DTNB: variants seen among roughly 807,000 people sequenced by gnomAD.
The protein encoded by DTNB is DTN-B.
A neutral mutation model predicts 90.7 loss-of-function variants in DTNB; 63 were observed. The observed-to-expected ratio is 0.69, with a 90% CI of 0.57 to 0.86. The LOEUF is 0.86. DTNB is among the 40% of genes least tolerant of loss of function. DTNB has a pLI of 0.00. For missense variants in DTNB, 744 were observed against 807.1 expected, an observed-to-expected ratio of 0.92 and a Z score of 0.95; for synonymous variants, 277 against 286.7, an observed-to-expected ratio of 0.97 and a Z score of 0.34.
At chr2:25,445,355 A>G (rs945789277) in intron 12 of DTNB, among the ~76,000 whole-genome samples, 2 of 152,146 alleles carry the variant, frequency 1.3e-5, no homozygotes, top group Non-Finnish European at 2.9e-5. Flanking sequence ...CCATTTCACT[A>G]ACTAACCTTT....
At chr2:25,491,591 T>C (rs548871290) in intron 9 of DTNB, among the ~76,000 whole-genome samples, 1 of 152,302 alleles carries the variant, frequency 6.6e-6, no homozygotes, top group African/African-American at 2.4e-5. Context: ...TATTCGCTGT[T>C]ATATTTGGTG....
At chr2:25,379,137 G>A (rs1042599293) in intron 20 of DTNB, among the ~76,000 whole-genome samples, 153 bp downstream of exon 20, 9 of 152,210 alleles carry the variant, frequency 5.9e-5, no homozygotes, top group African/African-American at 2.2e-4. Flanking sequence ...ACATGGCTGG[G>A]GTGGGCAAAG....
At chr2:25,526,387 A>AT (rs1407802793) in intron 9 of DTNB, among the ~76,000 whole-genome samples, 10 of 55,454 alleles carry the variant, frequency 1.8e-4, no homozygotes, top group African/African-American at 6.3e-4. Context: ...ATATATATAT[A>AT]TATATATATT....
intron 1 of DTNB, among the ~76,000 whole-genome samples, chr2:25,666,802 A>G (rs894200430): frequency 6.6e-6 from 1 of 152,188 alleles, no homozygotes; most frequent in Non-Finnish European, 1.5e-5. Flanking sequence ...TAGTAATGAC[A>G]GAAAGCAAAG....
chr2:25,475,448 G>C (rs1265668943), intron 10 of DTNB, among the ~76,000 whole-genome samples: 1 of 152,236 alleles, frequency 6.6e-6, no homozygotes, highest in Non-Finnish European at 1.5e-5. Flanking sequence ...AGCTAACAGA[G>C]GTTGGTTCAT....
chr2:25,554,235 T>C (rs573789684), intron 8 of DTNB, among the ~76,000 whole-genome samples: 134 of 152,330 alleles, frequency 8.8e-4, no homozygotes, highest in African/African-American at 3.1e-3. Flanking sequence ...AGCATTCAAA[T>C]GGAGACAGGG....
chr2:25,465,860 T>TA (rs1406693170), intron 10 of DTNB, among the ~76,000 whole-genome samples: 2 of 152,334 alleles, frequency 1.3e-5, no homozygotes, highest in East Asian at 3.9e-4. Flanking sequence ...TATTATATTA[T>TA]AAAACAATAT....
intron 4 of DTNB, 32 bp downstream of exon 4, chr2:25,628,139 G>A (rs2074792852): frequency 1.9e-6 from 3 of 1,599,204 alleles, no homozygotes; most frequent in Middle Eastern, 1.7e-4. Flanking sequence ...TTCTTAAAAT[G>A]AAGTAAGCGT....
At chr2:25,510,289 CTTT>C (rs1040623317) in intron 9 of DTNB, among the ~76,000 whole-genome samples, 26 of 150,186 alleles carry the variant, frequency 1.7e-4, no homozygotes, top group African/African-American at 6.1e-4. Flanking sequence ...TTTTTATATT[CTTT>C]TGTTTCTCCA....
chr2:25,580,655 A>G, intron 7 of DTNB, 66 bp downstream of exon 7: 1 of 1,339,214 alleles, frequency 7.5e-7, no homozygotes. Flanking sequence ...AGCTAAGGAC[A>G]TTGCAAATAA....
At chr2:25,383,470 C>T (rs1485795546) in intron 19 of DTNB, among the ~76,000 whole-genome samples, 1 of 152,176 alleles carries the variant, frequency 6.6e-6, no homozygotes, top group African/African-American at 2.4e-5. Flanking sequence ...CCACCCGCCT[C>T]AGCCTCCCAA....
At chr2:25,587,356 AGTGAC>A (rs2062641647) in intron 6 of DTNB, among the ~76,000 whole-genome samples, 1 of 152,242 alleles carries the variant, frequency 6.6e-6, no homozygotes, top group South Asian at 2.1e-4. Flanking sequence ...CACTGAATAA[AGTGAC>A]GAGAAGACCA....
At chr2:25,520,072 GA>G (rs201200458) in intron 9 of DTNB, among the ~76,000 whole-genome samples, 2 of 150,092 alleles carry the variant, frequency 1.3e-5, no homozygotes, top group Non-Finnish European at 1.5e-5. Context: ...ACTCTCTTCA[GA>G]AAAAAAAAAT....
intron 9 of DTNB, among the ~76,000 whole-genome samples, chr2:25,518,664 G>C (rs1253142914): frequency 6.6e-6 from 1 of 152,052 alleles, no homozygotes; most frequent in East Asian, 1.9e-4. Flanking sequence ...CCTATTTCTA[G>C]GACTGTCTTA....
At chr2:25,546,238 T>C (rs2082384495) in intron 8 of DTNB, among the ~76,000 whole-genome samples, 1 of 152,242 alleles carries the variant, frequency 6.6e-6, no homozygotes, top group Non-Finnish European at 1.5e-5. Context: ...GGACAGGACC[T>C]TTCCCTATAA....
intron 9 of DTNB, among the ~76,000 whole-genome samples, chr2:25,492,590 G>A (rs1319641550): frequency 6.6e-6 from 1 of 152,184 alleles, no homozygotes; most frequent in Non-Finnish European, 1.5e-5. Context: ...TAGGCTGGGT[G>A]CAGTGGCTCA....
chr2:25,444,576 A>C (rs966894091), intron 12 of DTNB, among the ~76,000 whole-genome samples: 1 of 151,934 alleles, frequency 6.6e-6, no homozygotes, highest in Admixed American at 6.6e-5. Context: ...TCAGGAAAAC[A>C]AATTCTCTCT....
intron 4 of DTNB, among the ~76,000 whole-genome samples, chr2:25,612,193 G>C (rs2068818549): frequency 6.6e-6 from 1 of 151,840 alleles, no homozygotes; most frequent in South Asian, 2.1e-4. Context: ...ATCACAAAAA[G>C]AATAAGAAAT....
chr2:25,617,067 G>A (rs950595437), intron 4 of DTNB, among the ~76,000 whole-genome samples: 3 of 151,492 alleles, frequency 2.0e-5, no homozygotes, highest in Non-Finnish European at 2.9e-5. Context: ...CAACAGCCAC[G>A]TAGAAATCTC....
Sources: allele counts gnomAD v4.1 joint callset (sites outside exome capture counted in the v4.1 genomes callset), GRCh38; gene constraint gnomAD v4.1.1; transcripts MANE v1.5; gene names NCBI Gene and HGNC (gene_info 2026-07-23, HGNC 2026-07-21).